Variants in PLGRKT observed in about 807,000 individuals in gnomAD.
The protein encoded by PLGRKT is plasminogen receptor (KT).
In PLGRKT, 22 loss-of-function variants were observed where a neutral mutation model predicts 18.5. The observed-to-expected ratio is 1.19, with a 90% CI of 0.85 to 1.70. PLGRKT has a LOEUF of 1.70. Ranked by LOEUF, PLGRKT falls within the 40% of genes most tolerant of loss-of-function variation. The pLI is 0.00. For missense variants in PLGRKT, 235 were observed against 174.4 expected (o/e 1.35, Z -1.96); for synonymous variants, 72 against 52.8 (o/e 1.36, Z -1.58).
At chr9:5,413,210 C>T (rs1554632666) in intron 3 of PLGRKT, among the ~76,000 whole-genome samples, 1 of 152,148 alleles carries the variant, frequency 6.6e-6, no homozygotes, top group African/African-American at 2.4e-5. Context: ...TAAAAATCTA[C>T]CCTGAAGATA....
At position 5,358,411 on chromosome 9, in the gene PLGRKT, T is replaced by C. The variant is rs748281075; in HGVS notation, c.323-51A>G. ...AGGTGACAAAGGGGTCATCAGCAAT[T>C]TGTGACAAAGCCTGATTGCTATATT... On this transcript the variant is annotated intron_variant, in intron 5 of 5. Coordinates refer to ENST00000223864, the MANE Select transcript of PLGRKT (RefSeq NM_018465.4). 2.5e-6 allele frequency: 4 copies of C among 1,578,742 alleles called. No homozygotes were observed. The Admixed American group carries it at 5.0e-5, about 20-fold the overall frequency.
chr9:5,379,581 AAT>A (rs1817697629), intron 3 of PLGRKT, among the ~76,000 whole-genome samples: 1 of 152,186 alleles, frequency 6.6e-6, no homozygotes, highest in East Asian at 1.9e-4. Context: ...TGATTTAACA[AAT>A]AATAGTAAAG....
chr9:5,368,296 G>A (rs1399433868), intron 3 of PLGRKT, among the ~76,000 whole-genome samples: 1 of 152,142 alleles, frequency 6.6e-6, no homozygotes, highest in African/African-American at 2.4e-5. Flanking sequence ...TTTCATCGCA[G>A]CACTATTCAC....
At chr9:5,401,748 T>G (rs1268246776) in intron 3 of PLGRKT, among the ~76,000 whole-genome samples, 1 of 151,802 alleles carries the variant, frequency 6.6e-6, no homozygotes, top group Non-Finnish European at 1.5e-5. Flanking sequence ...AAGATAAGAG[T>G]TGTAGTTCTA....
chr9:5,391,049 A>G (rs1388917940), intron 3 of PLGRKT, among the ~76,000 whole-genome samples: 1 of 151,978 alleles, frequency 6.6e-6, no homozygotes, highest in Non-Finnish European at 1.5e-5. Context: ...AACAATTAAA[A>G]GATACCTAGC....
At chr9:5,379,913 T>C (rs1586711768) in intron 3 of PLGRKT, among the ~76,000 whole-genome samples, 1 of 152,196 alleles carries the variant, frequency 6.6e-6, no homozygotes, top group East Asian at 1.9e-4. Flanking sequence ...AGTTACCTAC[T>C]AAAATATTTA....
intron 3 of PLGRKT, among the ~76,000 whole-genome samples, chr9:5,364,629 T>G (rs962991545): frequency 1.3e-5 from 2 of 152,202 alleles, no homozygotes; most frequent in African/African-American, 4.8e-5. Context: ...CTGATCTATC[T>G]TTGGAAAATG....
upstream of PLGRKT, among the ~76,000 whole-genome samples, chr9:5,438,154 T>A (rs757574134): frequency 1.3e-5 from 2 of 152,168 alleles, no homozygotes; most frequent in African/African-American, 2.4e-5. Flanking sequence ...AAATTGGCAC[T>A]ATTAAAAAGT....
intron 3 of PLGRKT, among the ~76,000 whole-genome samples, chr9:5,409,864 T>C (rs1402406929): frequency 6.6e-6 from 1 of 152,222 alleles, no homozygotes; most frequent in African/African-American, 2.4e-5. Flanking sequence ...TATCTTGGAA[T>C]ACCTCCAATG....
At chr9:5,361,379 C>G (rs1234568548) in intron 4 of PLGRKT, among the ~76,000 whole-genome samples, 192 bp from the exon 5 acceptor site, 1 of 152,166 alleles carries the variant, frequency 6.6e-6, no homozygotes, top group African/African-American at 2.4e-5. Context: ...CTGCAGTTCT[C>G]AAGGGCAAGG....
chr9:5,432,875 G>A (rs1268549416), intron 2 of PLGRKT, among the ~76,000 whole-genome samples: 3 of 152,138 alleles, frequency 2.0e-5, no homozygotes, highest in Non-Finnish European at 2.9e-5. Context: ...GCCTGCCTTG[G>A]CCTCCCAAAG....
At chr9:5,412,308 G>A (rs553371910) in intron 3 of PLGRKT, among the ~76,000 whole-genome samples, 20 of 152,284 alleles carry the variant, frequency 1.3e-4, no homozygotes, top group African/African-American at 4.1e-4. Flanking sequence ...ACCCCAAATG[G>A]ATTTGGAATC....
At chr9:5,377,870 C>T (rs527615170) in intron 3 of PLGRKT, among the ~76,000 whole-genome samples, 10 of 151,952 alleles carry the variant, frequency 6.6e-5, no homozygotes, top group Non-Finnish European at 1.3e-4. Flanking sequence ...GAGCTGATAT[C>T]GAGGCAATTC....
chr9:5,409,298 G>A (rs1171011306), intron 3 of PLGRKT, among the ~76,000 whole-genome samples: 3 of 152,284 alleles, frequency 2.0e-5, no homozygotes, highest in East Asian at 3.9e-4. Flanking sequence ...TAATCTGGAT[G>A]GGCACCATCT....
At chr9:5,390,092 T>C (rs1414985632) in intron 3 of PLGRKT, among the ~76,000 whole-genome samples, 1 of 151,666 alleles carries the variant, frequency 6.6e-6, no homozygotes, top group East Asian at 1.9e-4. Context: ...ATCTAGAAGA[T>C]TCTAAAATCC....
chr9:5,366,548 G>A (rs527865106), intron 3 of PLGRKT, among the ~76,000 whole-genome samples: 1 of 152,064 alleles, frequency 6.6e-6, no homozygotes, highest in East Asian at 1.9e-4. Context: ...TAATTTCAAA[G>A]AGAGCACATA....
chr9:5,372,418 G>A (rs1037792544), intron 3 of PLGRKT, among the ~76,000 whole-genome samples: 5 of 152,104 alleles, frequency 3.3e-5, no homozygotes, highest in Non-Finnish European at 7.3e-5. Flanking sequence ...GCAGACAATG[G>A]AATCCATCCT....
chr9:5,423,924 C>G (rs1381643391), intron 3 of PLGRKT, among the ~76,000 whole-genome samples: 2 of 138,898 alleles, frequency 1.4e-5, no homozygotes, highest in African/African-American at 2.9e-5. Context: ...ATTATATTAC[C>G]TGTTATATAT....
chr9:5,396,463 T>G (rs544597621), intron 3 of PLGRKT, among the ~76,000 whole-genome samples: 1 of 151,306 alleles, frequency 6.6e-6, no homozygotes, highest in Non-Finnish European at 1.5e-5. Context: ...TTTTTGTATT[T>G]TTAGTATTTT....
Sources: allele counts gnomAD v4.1 joint callset (sites outside exome capture counted in the v4.1 genomes callset), GRCh38; gene constraint gnomAD v4.1.1; transcripts MANE v1.5; gene names NCBI Gene and HGNC (gene_info 2026-07-23, HGNC 2026-07-21).